The following PEX14 variants were observed in gnomAD, a reference collection of about 807,000 sequenced individuals.
PEX14 encodes the protein peroxisomal membrane protein PEX14.
Under a neutral mutation model 49.5 loss-of-function variants are expected in PEX14, and 15 were observed. That is an observed-to-expected ratio of 0.30 (90% confidence interval 0.20 to 0.47). The LOEUF is 0.47. Among genes scored for constraint, PEX14 ranks in the 20% least tolerant of loss-of-function variants. The pLI is 1.00. For missense variants in PEX14, 398 were observed against 494.8 expected, an observed-to-expected ratio of 0.80 and a Z score of 1.86; for synonymous variants, 210 against 212.7, an observed-to-expected ratio of 0.99 and a Z score of 0.11.
intron 2 of PEX14, among the ~76,000 whole-genome samples, chr1:10,534,504 C>G (rs901674746): frequency 1.3e-5 from 2 of 152,018 alleles, no homozygotes; most frequent in Admixed American, 1.3e-4. Context: ...CTTCTCCTAT[C>G]TCTTCATTAA....
chr1:10,629,856 A>G lies in PEX14; in HGVS notation c.1003A>G (p.Ser335Gly). The change falls in exon 9 of 9, where the codon AGC (serine) becomes GGC (glycine). Residue 335 changes from serine (S) to glycine (G), a missense_variant. Coordinates refer to ENST00000356607, the MANE Select transcript of PEX14 (RefSeq NM_004565.3). The surrounding 1 kb of genome is among the most constrained non-coding windows in gnomAD (Gnocchi z 8.5). ...GGAGGATGAGGAGGATGATGATGTG[A>G]GCCATGTGGACGAGGAGGACTGCCT... ...DEEDEEDDDV[S>G]HVDEEDCLGV... is the part of the protein sequence containing the mutation. 2 of 1,610,550 alleles carry G rather than the reference A, an allele frequency of 1.2e-6. No homozygotes were observed. Among genetic ancestry groups the G allele is most frequent in the South Asian group, 1.1e-5 (1 of 90,822 alleles).
At position 10,623,945 on chromosome 1, in the gene PEX14, G is replaced by A. The variant is rs1032196883; in HGVS notation, c.488-395G>A. ...AGCCACTCCTGGATGTGAATGTGGCGGGGACCTGAGATGCATCTCTCCCAG... is the reference window on the plus strand; with the variant it reads ...AGCCACTCCTGGATGTGAATGTGGCAGGGACCTGAGATGCATCTCTCCCAG... On this transcript the variant is annotated intron_variant, in intron 6 of 8. Transcript: ENST00000356607. This position sits in a 1 kb window ranked among gnomAD's most constrained non-coding sequence, Gnocchi z 4.4. Among the ~76,000 whole-genome samples the A allele has an allele frequency of 7.2e-5, 11 of 152,142 alleles. No individual in the cohort carries two copies. Among genetic ancestry groups the A allele is most frequent in the East Asian group, 1.9e-4 (1 of 5,180 alleles).
chr1:10,612,729 C>T (rs553030935), intron 4 of PEX14, among the ~76,000 whole-genome samples: 3 of 152,364 alleles, frequency 2.0e-5, no homozygotes, highest in East Asian at 3.9e-4. Flanking sequence ...TTGTGCTCTC[C>T]ACCTCTGTGC....
At chr1:10,564,119 A>G (rs1412367365) in intron 3 of PEX14, among the ~76,000 whole-genome samples, 1 of 152,170 alleles carries the variant, frequency 6.6e-6, no homozygotes, top group Admixed American at 6.5e-5. Flanking sequence ...CCTATGTAAC[A>G]TAGAATCTTT....
chr1:10,599,459 C>CCAGGAGAAACTGGGAG (rs1557866473), intron 4 of PEX14, 93 bp downstream of exon 4: 1 of 1,422,782 alleles, frequency 7.0e-7, no homozygotes, highest in East Asian at 2.3e-5. Context: ...ACTTAGCAAA[C>CCAGGAGAAACTGGGAG]CAGGAGAAAC....
In PEX14 at chr1:10,495,374, A is replaced by T. The variant is rs1207935717; in HGVS notation, c.84+53A>T. 2.1e-6 allele frequency: 3 copies of T among 1,423,456 alleles called. No homozygotes were observed. The East Asian group carries it at 6.9e-5, about 33-fold the overall frequency. The allele number at this position is 1,423,456 out of a possible 1,614,324, so 88.2% of individuals were successfully genotyped here. On this transcript the variant is annotated intron_variant, in intron 2 of 8. Coordinates refer to ENST00000356607, the MANE Select transcript of PEX14 (RefSeq NM_004565.3). This position sits in a 1 kb window ranked among gnomAD's most constrained non-coding sequence, Gnocchi z 4.2. ...TTTCTAGTAATTAAAATGCCACGCG[A>T]GTGAAAAGAAACCTTCTGTTCCTAT...
chr1:10,572,912 G>T (rs1640021371), intron 3 of PEX14, among the ~76,000 whole-genome samples: 2 of 152,164 alleles, frequency 1.3e-5, no homozygotes. Context: ...CACAGACCTG[G>T]AGGGTATAAC....
chr1:10,618,941 T>C (rs1016610346), intron 5 of PEX14, among the ~76,000 whole-genome samples: 2 of 152,214 alleles, frequency 1.3e-5, no homozygotes, highest in African/African-American at 2.4e-5. Flanking sequence ...CTCAGAGCCA[T>C]GCCCGGCACA....
intron 3 of PEX14, among the ~76,000 whole-genome samples, chr1:10,568,333 C>G (rs890703262): frequency 7.0e-6 from 1 of 141,930 alleles, no homozygotes; most frequent in Admixed American, 6.8e-5. Flanking sequence ...TCCCCCCCCC[C>G]CCCCCACTCC....
intron 3 of PEX14, among the ~76,000 whole-genome samples, chr1:10,592,487 C>T (rs1239919054): frequency 6.6e-6 from 1 of 152,060 alleles, no homozygotes; most frequent in Non-Finnish European, 1.5e-5. Flanking sequence ...CCCTCCCAGT[C>T]GTTCATATGA....
intron 2 of PEX14, among the ~76,000 whole-genome samples, chr1:10,511,348 T>C (rs1641879212): frequency 6.6e-6 from 1 of 152,200 alleles, no homozygotes; most frequent in African/African-American, 2.4e-5. Flanking sequence ...CCTCCCTTCC[T>C]TCCTGCCTCC....
rs182892889 is a variant in PEX14, at chr1:10,630,712, G to A, written c.*725G>A. 1 of 152,436 alleles carries A rather than the reference G, an allele frequency of 6.6e-6. No individual in the cohort carries two copies. Among genetic ancestry groups the A allele is most frequent in the Admixed American group, 6.5e-5 (1 of 15,316 alleles). The allele number at this position is 152,436 out of a possible 1,614,324, so 9.4% of individuals were successfully genotyped here. A position where few individuals can be genotyped will look rare whatever the true frequency, so the allele number is the denominator to read the frequency against. On this transcript the variant is annotated 3_prime_UTR_variant, in exon 9 of 9. Coordinates refer to ENST00000356607, the MANE Select transcript of PEX14 (RefSeq NM_004565.3). This position sits in a 1 kb window ranked among gnomAD's most constrained non-coding sequence, Gnocchi z 4.1. ...ATCATGTATAGACCTCAGAACGGAAGATAGGACTGTATATAATTGTAATAA... is the reference window on the plus strand; with the variant it reads ...ATCATGTATAGACCTCAGAACGGAAAATAGGACTGTATATAATTGTAATAA...
chr1:10,531,525 T>G (rs1054033969), intron 2 of PEX14, among the ~76,000 whole-genome samples: 9 of 152,200 alleles, frequency 5.9e-5, no homozygotes, highest in African/African-American at 2.2e-4. Context: ...TTTAATCTTC[T>G]GAGCAGCGCA....
At chr1:10,581,554 T>A (rs1406238817) in intron 3 of PEX14, among the ~76,000 whole-genome samples, 3 of 151,788 alleles carry the variant, frequency 2.0e-5, no homozygotes, top group Non-Finnish European at 4.4e-5. Context: ...TCCACCCACC[T>A]TGGCCTCCCA....
At chr1:10,503,532 T>C (rs1368580997) in intron 2 of PEX14, among the ~76,000 whole-genome samples, 1 of 151,882 alleles carries the variant, frequency 6.6e-6, no homozygotes, top group Non-Finnish European at 1.5e-5. Context: ...TGTTAAAATG[T>C]TTTTCTTTTG....
intron 3 of PEX14, among the ~76,000 whole-genome samples, chr1:10,557,615 G>T (rs545896646): frequency 6.6e-6 from 1 of 152,250 alleles, no homozygotes; most frequent in African/African-American, 2.4e-5. Flanking sequence ...CCTCAGAGCT[G>T]CTAATCCTAG....
chr1:10,530,442 G>C (rs1173155062), intron 2 of PEX14, among the ~76,000 whole-genome samples: 1 of 152,246 alleles, frequency 6.6e-6, no homozygotes, highest in Non-Finnish European at 1.5e-5. Context: ...GCCTCCGCCG[G>C]CTCCGGCTAG....
intron 3 of PEX14, among the ~76,000 whole-genome samples, chr1:10,549,324 C>T (rs1034263726): frequency 6.6e-6 from 1 of 152,208 alleles, no homozygotes; most frequent in African/African-American, 2.4e-5. Flanking sequence ...CTCTCCCCAG[C>T]TTTATAAGTC....
chr1:10,488,877 T>C (rs886885255), intron 1 of PEX14, among the ~76,000 whole-genome samples: 1 of 152,248 alleles, frequency 6.6e-6, no homozygotes, highest in African/African-American at 2.4e-5. Flanking sequence ...AGTATAGTTG[T>C]AACACCTGTC....
Sources: allele counts gnomAD v4.1 joint callset (sites outside exome capture counted in the v4.1 genomes callset), GRCh38; gene constraint gnomAD v4.1.1; non-coding constraint Gnocchi (gnomAD v3.1); transcripts MANE v1.5; gene names NCBI Gene and HGNC (gene_info 2026-07-23, HGNC 2026-07-21).